Variants in SLC1A1 observed in about 807,000 individuals in gnomAD.
SLC1A1 encodes the protein solute carrier family 1 member 1, also known as excitatory amino acid transporter 3.
In SLC1A1, 43 loss-of-function variants were observed where a neutral mutation model predicts 53.3. The ratio of observed to expected loss-of-function variants is 0.81; its 90% CI spans 0.63 to 1.04. SLC1A1 has a LOEUF of 1.04. Ranked by LOEUF, SLC1A1 falls within the 50% of genes least tolerant of loss-of-function variation. SLC1A1 has a pLI of 0.00. For missense variants in SLC1A1, 748 were observed against 664.9 expected, an observed-to-expected ratio of 1.12 and a Z score of -1.37; for synonymous variants, 307 against 243.2, an observed-to-expected ratio of 1.26 and a Z score of -2.44.
chr9:4,573,643 A>T (rs1407484124), intron 7 of SLC1A1, among the ~76,000 whole-genome samples: 1 of 152,162 alleles, frequency 6.6e-6, no homozygotes, highest in African/African-American at 2.4e-5. Flanking sequence ...GCACCCATCT[A>T]ACCACATGTT....
chr9:4,516,918 ACCAG>A (rs1476035382), intron 1 of SLC1A1, among the ~76,000 whole-genome samples: 1 of 152,150 alleles, frequency 6.6e-6, no homozygotes, highest in Non-Finnish European at 1.5e-5. Context: ...CCCCTCAAGC[ACCAG>A]CCAAACTACT....
At chr9:4,509,097 G>A (rs1001346358) in intron 1 of SLC1A1, among the ~76,000 whole-genome samples, 8 of 152,164 alleles carry the variant, frequency 5.3e-5, no homozygotes, top group Non-Finnish European at 1.2e-4. Flanking sequence ...GGGGTGGGTA[G>A]GAGTTTATTA....
Position 4,576,812 on chromosome 9 carries a change from G to A in SLC1A1, c.1193+49G>A, listed in dbSNP as rs150295646. 209 of 1,537,008 alleles carry A rather than the reference G, an allele frequency of 1.4e-4. 1 individual carries two copies. The East Asian group carries it at 2.7e-3, about 20-fold the overall frequency. On this transcript the variant is annotated intron_variant, in intron 10 of 11. Coordinates refer to ENST00000262352, the MANE Select transcript of SLC1A1 (RefSeq NM_004170.6). The stretch of plus-strand genomic sequence containing the variant: ...TGTCATCACTGATACAGGGATTACC[G>A]CCAGTAAAAATTGTCCATGAAGGGA...
chr9:4,529,212 C>T (rs1277021542), intron 1 of SLC1A1, among the ~76,000 whole-genome samples: 1 of 152,180 alleles, frequency 6.6e-6, no homozygotes, highest in Non-Finnish European at 1.5e-5. Flanking sequence ...CCAGAGGCTT[C>T]CCACTGCCTT....
intron 1 of SLC1A1, among the ~76,000 whole-genome samples, chr9:4,524,886 C>A (rs1469665015): frequency 2.0e-5 from 3 of 152,098 alleles, no homozygotes; most frequent in African/African-American, 7.2e-5. Context: ...TGAGAACTCG[C>A]TACTGCAAGA....
intron 6 of SLC1A1, among the ~76,000 whole-genome samples, chr9:4,571,558 T>A (rs1564055894): frequency 2.0e-5 from 3 of 152,064 alleles, no homozygotes; most frequent in Non-Finnish European, 4.4e-5. Flanking sequence ...ATGCCTGTAA[T>A]CCCAGCTACT....
intron 1 of SLC1A1, among the ~76,000 whole-genome samples, chr9:4,541,300 C>T (rs1461068718): frequency 1.3e-5 from 2 of 152,130 alleles, no homozygotes; most frequent in African/African-American, 2.4e-5. Flanking sequence ...GTCAGTGCTT[C>T]GAAGTTAAAA....
chr9:4,562,819 T>A (rs1271389299), intron 3 of SLC1A1, among the ~76,000 whole-genome samples: 1 of 152,000 alleles, frequency 6.6e-6, no homozygotes, highest in Non-Finnish European at 1.5e-5. Flanking sequence ...TCTATCATTG[T>A]TGGACATTTG....
At chr9:4,558,615 C>G (rs890116072) in intron 2 of SLC1A1, among the ~76,000 whole-genome samples, 1 of 152,158 alleles carries the variant, frequency 6.6e-6, no homozygotes, top group Non-Finnish European at 1.5e-5. Flanking sequence ...CAAGCAGAGG[C>G]ACCAGCCCAT....
chr9:4,583,851 A>AC lies in SLC1A1; in HGVS notation c.1328+680dup. ...GACCATTCAGGCCCCAATCAACAAC[A>AC]CTTCTCTCTCTCTCTCTCTCTCTCT... On this transcript the variant is annotated intron_variant, in intron 11 of 11. Coordinates refer to ENST00000262352, the MANE Select transcript of SLC1A1 (RefSeq NM_004170.6). The surrounding 1 kb of genome is among the most constrained non-coding windows in gnomAD (Gnocchi z 4.6). Among the ~76,000 whole-genome samples, 1 of 96,170 alleles carries AC rather than the reference A, an allele frequency of 1.0e-5. No individual in the cohort carries two copies. Among genetic ancestry groups the AC allele is most frequent in the South Asian group, 3.1e-4 (1 of 3,196 alleles). 63.1% of individuals were successfully genotyped at this position (96,170 alleles called of 152,430 possible). A position where few individuals can be genotyped will look rare whatever the true frequency, so the allele number is the denominator to read the frequency against.
At chr9:4,544,821 T>A (rs112958419) in intron 2 of SLC1A1, 114 bp downstream of exon 2, 3 of 924,422 alleles carry the variant, frequency 3.2e-6, no homozygotes, top group East Asian at 5.0e-5. Context: ...TCACAGTTCA[T>A]CCTGGCTCAG....
intron 1 of SLC1A1, among the ~76,000 whole-genome samples, chr9:4,537,901 G>T (rs868339664): frequency 6.6e-6 from 1 of 151,598 alleles, no homozygotes; most frequent in South Asian, 2.1e-4. Flanking sequence ...ACTTTAAAAT[G>T]GTAAATTTTA....
At chr9:4,491,169 G>C (rs758981107) in intron 1 of SLC1A1, among the ~76,000 whole-genome samples, 4 of 152,178 alleles carry the variant, frequency 2.6e-5, no homozygotes, top group Non-Finnish European at 5.9e-5. Context: ...CCCCAGCCTC[G>C]CTGCGCGGGC....
At chr9:4,573,309 G>T (rs1370639162) in intron 7 of SLC1A1, among the ~76,000 whole-genome samples, 1 of 152,148 alleles carries the variant, frequency 6.6e-6, no homozygotes, top group Non-Finnish European at 1.5e-5. Flanking sequence ...TGGCAAGGCA[G>T]GTCACTTAAT....
intron 1 of SLC1A1, among the ~76,000 whole-genome samples, chr9:4,543,081 T>TG (rs1445228197): frequency 6.6e-6 from 1 of 152,224 alleles, no homozygotes; most frequent in Non-Finnish European, 1.5e-5. Context: ...AAATGCATCT[T>TG]GTGAGGTTCA....
At chr9:4,530,654 C>T (rs1315654420) in intron 1 of SLC1A1, among the ~76,000 whole-genome samples, 1 of 152,136 alleles carries the variant, frequency 6.6e-6, no homozygotes, top group Non-Finnish European at 1.5e-5. Context: ...CAGTGCAAAC[C>T]ACATTTCCTG....
rs147945815 is a variant in SLC1A1 at position 4,581,333 on chromosome 9, T to C, written c.1194-1705T>C. 7.9e-5 allele frequency among the ~76,000 whole-genome samples: 12 copies of C among 152,364 alleles called. 1 individual carries two copies. In the East Asian group the frequency reaches 2.3e-3, roughly 29 times the overall value. ...TATGTTTTCTTCTGTGGAAATCCTCTAACTCAAAGTAGAATATGTTCAAGC... is the reference window on the plus strand; with the variant it reads ...TATGTTTTCTTCTGTGGAAATCCTCCAACTCAAAGTAGAATATGTTCAAGC... On this transcript the variant is annotated intron_variant, in intron 10 of 11. Transcript: ENST00000262352.
At chr9:4,559,468 TG>T (rs57874460) in intron 2 of SLC1A1, among the ~76,000 whole-genome samples, 36,264 of 152,008 alleles carry the variant, frequency 0.24, 4,841 homozygotes, top group East Asian at 0.46. Flanking sequence ...ATCATAATGG[TG>T]ATCACTTCCT....
rs556778035 is a variant in SLC1A1 at position 4,549,818 on chromosome 9, T to A, written c.232+5111T>A. On this transcript the variant is annotated intron_variant, in intron 2 of 11. Transcript: ENST00000262352. The surrounding 1 kb of genome is among the most constrained non-coding windows in gnomAD (Gnocchi z 4.1). ...GCTGGGTTATTGCAACCACCCTGCTTGTAGAACCTGGGAGTCTGTCCAGGT... is the reference window on the plus strand; with the variant it reads ...GCTGGGTTATTGCAACCACCCTGCTAGTAGAACCTGGGAGTCTGTCCAGGT... Among the ~76,000 whole-genome samples the A allele has an allele frequency of 2.0e-5, 3 of 152,144 alleles. No individual in the cohort carries two copies. Among genetic ancestry groups the A allele is most frequent in the Non-Finnish European group, 4.4e-5 (3 of 68,016 alleles).
Sources: allele counts gnomAD v4.1 joint callset (sites outside exome capture counted in the v4.1 genomes callset), GRCh38; gene constraint gnomAD v4.1.1; non-coding constraint Gnocchi (gnomAD v3.1); transcripts MANE v1.5; gene names NCBI Gene and HGNC (gene_info 2026-07-23, HGNC 2026-07-21).